MIPEP: variants seen among roughly 807,000 people sequenced by gnomAD.
The protein encoded by MIPEP is mitochondrial intermediate peptidase.
Under a neutral mutation model 90.3 loss-of-function variants are expected in MIPEP, and 79 were observed. That is an observed-to-expected ratio of 0.87 (90% CI 0.73 to 1.05). The LOEUF (loss-of-function observed/expected upper bound fraction) is 1.05, where lower values mean the gene tolerates loss of function less well. MIPEP is among the 50% of genes least tolerant of loss of function. The pLI is 0.00. For synonymous variants in MIPEP, 334 were observed against 315.8 expected, an observed-to-expected ratio of 1.06 and a Z score of -0.61; for missense variants, 940 against 905.6, an observed-to-expected ratio of 1.04 and a Z score of -0.49.
chr13:23,887,972 T>C, intron 1 of MIPEP: 1 of 330,058 alleles, frequency 3.0e-6, no homozygotes, highest in Non-Finnish European at 5.8e-6. Context: ...CTGCCCATAT[T>C]GCTCTCGGGA....
intron 14 of MIPEP, among the ~76,000 whole-genome samples, chr13:23,817,126 C>G (rs1033764449): frequency 6.6e-6 from 1 of 152,208 alleles, no homozygotes; most frequent in Non-Finnish European, 1.5e-5. Flanking sequence ...TTCGAGCTTT[C>G]TGCATCCTAG....
intron 14 of MIPEP, among the ~76,000 whole-genome samples, chr13:23,824,890 A>C (rs959416744): frequency 3.9e-5 from 6 of 152,224 alleles, no homozygotes; most frequent in African/African-American, 9.7e-5. Context: ...CGATGGTTTA[A>C]AGAAACATAG....
chr13:23,774,226 CTTT>C (rs903213802), intron 16 of MIPEP, among the ~76,000 whole-genome samples: 1 of 149,680 alleles, frequency 6.7e-6, no homozygotes, highest in East Asian at 1.9e-4. Flanking sequence ...AAATGTATGG[CTTT>C]TTTTTTTCTG....
chr13:23,738,162 C>T (rs1952285227), intron 18 of MIPEP, among the ~76,000 whole-genome samples: 1 of 151,810 alleles, frequency 6.6e-6, no homozygotes, highest in Admixed American at 6.6e-5. Flanking sequence ...CAAACAACCC[C>T]AAAAAAGAAA....
At chr13:23,795,063 T>C (rs1390050434) in intron 16 of MIPEP, among the ~76,000 whole-genome samples, 2 of 152,200 alleles carry the variant, frequency 1.3e-5, no homozygotes, top group African/African-American at 4.8e-5. Context: ...ATAAATATTG[T>C]TTTCTTTAAC....
intron 1 of MIPEP, chr13:23,888,245 G>A: frequency 1.5e-5 from 4 of 266,788 alleles, no homozygotes; most frequent in South Asian, 7.2e-5. Flanking sequence ...ATACCCTTAA[G>A]GAAGGTGGTG....
chr13:23,796,412 A>G (rs2147660), intron 16 of MIPEP, among the ~76,000 whole-genome samples: 150,714 of 152,094 alleles, frequency 0.99, 74,702 homozygotes, highest in East Asian at 1. Context: ...GCGAGACTCC[A>G]TCTCAAAAAA....
intron 18 of MIPEP, among the ~76,000 whole-genome samples, chr13:23,749,632 G>T (rs1027144626): frequency 3.9e-5 from 6 of 152,130 alleles, no homozygotes; most frequent in Non-Finnish European, 5.9e-5. Flanking sequence ...TTCCTGAGCT[G>T]AATTCTCGCA....
At chr13:23,875,683 G>C (rs918402795) in intron 4 of MIPEP, among the ~76,000 whole-genome samples, 3 of 151,936 alleles carry the variant, frequency 2.0e-5, no homozygotes, top group African/African-American at 4.8e-5. Flanking sequence ...ACCTTGAATG[G>C]AAATTTATAG....
intron 18 of MIPEP, among the ~76,000 whole-genome samples, chr13:23,737,382 C>T (rs1952277613): frequency 6.6e-6 from 1 of 152,048 alleles, no homozygotes; most frequent in African/African-American, 2.4e-5. Context: ...TGGCGTGATA[C>T]TGGGAGGAAA....
At chr13:23,817,065 A>G (rs1953248704) in intron 14 of MIPEP, among the ~76,000 whole-genome samples, 1 of 152,210 alleles carries the variant, frequency 6.6e-6, no homozygotes, top group East Asian at 1.9e-4. Context: ...GAGAAAAGTT[A>G]GCATTCTACC....
At chr13:23,838,460 T>C (rs1869155005) in intron 12 of MIPEP, among the ~76,000 whole-genome samples, 2 of 152,160 alleles carry the variant, frequency 1.3e-5, no homozygotes, top group Admixed American at 6.5e-5. Flanking sequence ...TCTTGACTTT[T>C]ATCACTTGAA....
intron 16 of MIPEP, among the ~76,000 whole-genome samples, chr13:23,773,473 C>G (rs1952676336): frequency 6.6e-6 from 1 of 152,126 alleles, no homozygotes; most frequent in Non-Finnish European, 1.5e-5. Context: ...TGAGAGTTCC[C>G]TACCACCTGG....
chr13:23,860,953 T>G (rs549639763), intron 9 of MIPEP, among the ~76,000 whole-genome samples: 1 of 152,184 alleles, frequency 6.6e-6, no homozygotes, highest in Middle Eastern at 3.4e-3. Flanking sequence ...GAGGGGAGTG[T>G]GCAGTGCCTG....
intron 16 of MIPEP, among the ~76,000 whole-genome samples, chr13:23,768,826 A>G (rs1952619410): frequency 6.6e-6 from 1 of 152,234 alleles, no homozygotes; most frequent in Non-Finnish European, 1.5e-5. Context: ...ACATCTCTTC[A>G]GTATGCTAAC....
intron 14 of MIPEP, among the ~76,000 whole-genome samples, chr13:23,833,180 G>A (rs1712579678): frequency 6.6e-6 from 1 of 152,164 alleles, no homozygotes; most frequent in Non-Finnish European, 1.5e-5. Context: ...TATTTACAAA[G>A]ACTTGGATTT....
chr13:23,816,768 C>G (rs919116447), intron 14 of MIPEP, among the ~76,000 whole-genome samples: 8 of 152,316 alleles, frequency 5.3e-5, no homozygotes, highest in Admixed American at 4.6e-4. Flanking sequence ...ACGGAGGAAG[C>G]CTGTCTGCTT....
chr13:23,881,406 T>A lies in MIPEP; in HGVS notation c.452+293A>T, dbSNP rs765859345. On this transcript the variant is annotated intron_variant, in intron 3 of 18. Transcript: ENST00000382172. ...CAGATTATCAAGTGACACCTTTACA[T>A]TGATCTCATTTAACACTCACAAGGA... Among the ~76,000 whole-genome samples the A allele has an allele frequency of 5.9e-5, 9 of 152,342 alleles. 1 individual carries two copies. The highest frequency in any genetic ancestry group is 3.4e-3 in the Middle Eastern group (1 of 294).
chr13:23,772,294 A>T (rs1952661561), intron 16 of MIPEP, among the ~76,000 whole-genome samples: 1 of 135,518 alleles, frequency 7.4e-6, no homozygotes, highest in South Asian at 2.6e-4. Context: ...TTCCTGATGC[A>T]AGAGTTTTTA....
Sources: gnomAD v4.1 joint callset for allele counts (sites outside exome capture counted in the v4.1 genomes callset) on GRCh38, gnomAD v4.1.1 for gene constraint, MANE v1.5 for transcripts, NCBI Gene and HGNC (gene_info 2026-07-23, HGNC 2026-07-21) for gene names.